WDR55: variants seen among roughly 807,000 people sequenced by gnomAD.
WDR55 encodes the protein WD repeat-containing protein 55.
A neutral mutation model predicts 34.0 loss-of-function variants in WDR55; 31 were observed. That is an observed-to-expected ratio of 0.91 (90% CI 0.69 to 1.23). The LOEUF (loss-of-function observed/expected upper bound fraction) is 1.23, where lower values mean the gene tolerates loss of function less well. Ranked by LOEUF, WDR55 falls within the 50% of genes most tolerant of loss-of-function variation. The probability of loss-of-function intolerance (pLI) is 0.00; values close to 1 mark genes in which losing one functional copy is unlikely to be tolerated. For synonymous variants in WDR55, 164 were observed against 185.9 expected (o/e 0.88, Z 0.96); for missense variants, 440 against 494.6 (o/e 0.89, Z 1.05).
intron 1 of WDR55, among the ~76,000 whole-genome samples, chr5:140,666,259 G>A (rs1223139781): frequency 6.6e-6 from 1 of 152,000 alleles, no homozygotes; most frequent in Non-Finnish European, 1.5e-5. Flanking sequence ...AGCTGGGTGT[G>A]GTGGCGGGCA....
chr5:140,666,705 G>T, intron 1 of WDR55: 34 of 985,092 alleles, frequency 3.5e-5, no homozygotes, highest in Non-Finnish European at 4.1e-5. Context: ...CATTATATAT[G>T]ATGCTCTGTG....
chr5:140,671,861 T>C lies in WDR55; in HGVS notation c.*2207T>C. ...TGTTATTTGTAGCCTTCCCATTTCCTGGTAGTGTGACCATGGGTAAGAAAA... is the reference window on the plus strand; with the variant it reads ...TGTTATTTGTAGCCTTCCCATTTCCCGGTAGTGTGACCATGGGTAAGAAAA... On this transcript the variant is annotated 3_prime_UTR_variant, in exon 7 of 7. Coordinates refer to ENST00000358337, the MANE Select transcript of WDR55 (RefSeq NM_017706.5). 1.6e-6 allele frequency: 2 copies of C among 1,228,476 alleles called. No individual in the cohort carries two copies. The highest frequency in any genetic ancestry group is 2.5e-5 in the East Asian group (1 of 39,292). The allele number at this position is 1,228,476 out of a possible 1,614,324, so 76.1% of individuals were successfully genotyped here. A position where few individuals can be genotyped will look rare whatever the true frequency, so the allele number is the denominator to read the frequency against.
Position 140,669,936 on chromosome 5 carries a change from C to T in WDR55, c.*282C>T. The T allele has an allele frequency of 3.2e-6, 1 of 311,678 alleles. No homozygotes were observed. Among genetic ancestry groups the T allele is most frequent in the East Asian group, 6.9e-5 (1 of 14,556 alleles). The allele number at this position is 311,678 out of a possible 1,614,324, so 19.3% of individuals were successfully genotyped here. ...TTTGGTAGAAACGGGTCTGTTTTGC[C>T]CAGGCTGGTCTTCAACTCCTGGACT... On this transcript the variant is annotated 3_prime_UTR_variant, in exon 7 of 7. Coordinates refer to ENST00000358337, the MANE Select transcript of WDR55 (RefSeq NM_017706.5).
At position 140,664,991 on chromosome 5, in the gene WDR55, C is replaced by G. The variant is rs146185181; in HGVS notation, c.79C>G (p.Arg27Gly). 6.2e-7 allele frequency: 1 copy of G among 1,613,848 alleles called. No homozygotes were observed. The change falls in exon 1 of 7, where the codon CGG becomes GGG. Residue 27 changes from arginine (R) to glycine (G), a missense_variant. Coordinates refer to ENST00000358337, the MANE Select transcript of WDR55 (RefSeq NM_017706.5). ...EDPDSMEAPT[R>G]IRDTPEDIVL... ...CCCAGACTCCATGGAAGCCCCAACC[C>G]GGATCCGGGACACTCCGGAAGACAT...
chr5:140,669,032 G>T, intron 5 of WDR55, 42 bp downstream of exon 5: 4 of 1,614,118 alleles, frequency 2.5e-6, no homozygotes, highest in Non-Finnish European at 3.4e-6. Flanking sequence ...TGTGCTGGGG[G>T]CTTAGTCTGA....
chr5:140,671,820 T>C lies in WDR55; in HGVS notation c.*2166T>C, dbSNP rs1466392354. 2.7e-6 allele frequency: 4 copies of C among 1,491,924 alleles called. No individual in the cohort carries two copies. The highest frequency in any genetic ancestry group is 2.8e-5 in the African/African-American group (2 of 71,804). 92.4% of individuals were successfully genotyped at this position (1,491,924 alleles called of 1,614,324 possible). ...CCAAGCCTCCAGGTGGTGAGCCCTTTGGAGCTACACAGTCCTGTTATTTGT... is the reference window on the plus strand; with the variant it reads ...CCAAGCCTCCAGGTGGTGAGCCCTTCGGAGCTACACAGTCCTGTTATTTGT... On this transcript the variant is annotated 3_prime_UTR_variant, in exon 7 of 7. Transcript: ENST00000358337.
Position 140,669,533 on chromosome 5 carries a change from C to T in WDR55, c.1031C>T (p.Pro344Leu), listed in dbSNP as rs1561989873. The change falls in exon 7 of 7, where the codon CCA becomes CTA. Residue 344 changes from proline to leucine, a missense_variant. Transcript: ENST00000358337. The part of the protein sequence containing the change: ...DYRRRKKKGG[P>L]LRALSSKTWS... ...CGTCGGCGCAAAAAAAAGGGAGGACCACTGCGGGCTCTGAGCAGCAAGACT... is the reference window on the plus strand; with the variant it reads ...CGTCGGCGCAAAAAAAAGGGAGGACTACTGCGGGCTCTGAGCAGCAAGACT... 3.1e-6 allele frequency: 5 copies of T among 1,614,072 alleles called. No homozygotes were observed. Among genetic ancestry groups the T allele is most frequent in the African/African-American group, 1.3e-5 (1 of 75,036 alleles).
At chr5:140,668,156 C>T in intron 1 of WDR55, 78 bp from the exon 2 acceptor site, 6 of 1,466,728 alleles carry the variant, frequency 4.1e-6, no homozygotes, top group Non-Finnish European at 5.4e-6. Context: ...GGGAAGGCTG[C>T]TCTGTCTAGT....
intron 1 of WDR55, among the ~76,000 whole-genome samples, chr5:140,665,858 C>T (rs1052629230): frequency 1.5e-4 from 22 of 147,526 alleles, no homozygotes; most frequent in Admixed American, 3.4e-4. Flanking sequence ...AAAATTAGCC[C>T]GGTGTGGTGG....
chr5:140,665,735 C>A (rs1358897600), intron 1 of WDR55, among the ~76,000 whole-genome samples: 1 of 152,222 alleles, frequency 6.6e-6, no homozygotes, highest in Non-Finnish European at 1.5e-5. Context: ...CAAATCTTGG[C>A]TCACGCCTGT....
Position 140,669,455 on chromosome 5 carries a change from G to C in WDR55, c.953G>C (p.Arg318Pro). 2 of 1,614,106 alleles carry C rather than the reference G, an allele frequency of 1.2e-6. No homozygotes were observed. Among genetic ancestry groups the C allele is most frequent in the Non-Finnish European group, 1.7e-6 (2 of 1,180,002 alleles). ...RFLASSGHDQ[R>P]LKFWDMAQLR... The stretch of plus-strand genomic sequence containing the variant: ...CTGGCCAGTAGTGGCCATGACCAGC[G>C]CCTCAAGTTTTGGGACATGGCCCAG... The change falls in exon 7 of 7, where the codon CGC (arginine) becomes CCC (proline). Residue 318 changes from arginine to proline, a missense_variant. Physicochemically the swap from Arg to Pro is moderately radical, Grantham distance 103. Transcript: ENST00000358337.
rs199956837 is a variant in WDR55 at position 140,666,890 on chromosome 5, CAT to C, written c.192-1343_192-1342del. 1.8e-3 allele frequency: 1,802 copies of C among 985,360 alleles called. 8 individuals are homozygous for C. The highest frequency in any genetic ancestry group is 0.015 in the African/African-American group (879 of 57,316). 61.0% of individuals were successfully genotyped at this position (985,360 alleles called of 1,614,324 possible). On this transcript the variant is annotated intron_variant, in intron 1 of 6. Coordinates refer to ENST00000358337, the MANE Select transcript of WDR55 (RefSeq NM_017706.5). ...TCTAGTCTAGGGTAGATGCTCAACA[CAT>C]GTTTGATTTTGAACAAAAGATACAG...
Position 140,664,987 on chromosome 5 carries a change from A to C in WDR55, c.75A>C (p.Pro25=). 6.2e-7 allele frequency: 1 copy of C among 1,613,844 alleles called. No individual in the cohort carries two copies. Among genetic ancestry groups the C allele is most frequent in the Non-Finnish European group, 8.5e-7 (1 of 1,179,898 alleles). Residue 25 remains proline (P), a synonymous_variant, in exon 1 of 7, where the codon CCA becomes CCC. Transcript: ENST00000358337. ...AGGACCCAGACTCCATGGAAGCCCC[A>C]ACCCGGATCCGGGACACTCCGGAAG... The part of the protein sequence containing the change: ...DEEDPDSMEA[P]TRIRDTPEDI...
rs529109440 is a variant in WDR55 at position 140,669,617 on chromosome 5, A to C, written c.1115A>C (p.Gln372Pro). The C allele has an allele frequency of 6.8e-6, 11 of 1,613,994 alleles. No individual in the cohort carries two copies. The South Asian group carries it at 1.2e-4, about 18-fold the overall frequency. The change falls in exon 7 of 7, where the codon CAG becomes CCG. Residue 372 changes from glutamine (Q) to proline (P), a missense_variant. Gln to Pro is a moderately conservative substitution (Grantham distance 76). Coordinates refer to ENST00000358337, the MANE Select transcript of WDR55 (RefSeq NM_017706.5). Reference protein sequence around the residue: ...LREEGEDSMAQEEKEETGDDS... With the variant: ...LREEGEDSMAPEEKEETGDDS... ...GAAGAGGGAGAAGACTCCATGGCTC[A>C]GGAAGAAAAGGAGGAGACTGGGGAT...
At position 140,665,075 on chromosome 5, in the gene WDR55, G is replaced by C. The variant is rs1468456918; in HGVS notation, c.163G>C (p.Ala55Pro). ...AFHPARDLLA[A>P]GDVDGDVFVF... The stretch of plus-strand genomic sequence containing the variant: ...CCATCCGGCCCGTGACCTACTGGCT[G>C]CAGGGGACGTGGACGGGGACGTGTT... The change falls in exon 1 of 7, where the codon GCA becomes CCA. Residue 55 changes from alanine (A) to proline (P), a missense_variant. Coordinates refer to ENST00000358337, the MANE Select transcript of WDR55 (RefSeq NM_017706.5). The C allele has an allele frequency of 6.2e-7, 1 of 1,608,140 alleles. No individual in the cohort carries two copies.
chr5:140,672,208 G>T lies in WDR55; in HGVS notation c.*2554G>T. 1.7e-6 allele frequency: 1 copy of T among 590,304 alleles called. No individual in the cohort carries two copies. Among genetic ancestry groups the T allele is most frequent in the Non-Finnish European group, 3.0e-6 (1 of 333,094 alleles). The allele number at this position is 590,304 out of a possible 1,614,324, so 36.6% of individuals were successfully genotyped here. ...GGGTCCTGTGCCTATTTTGCGGTGTGGGGGTGGGGGAAGGTTGAGAATTAA... is the reference window on the plus strand; with the variant it reads ...GGGTCCTGTGCCTATTTTGCGGTGTTGGGGTGGGGGAAGGTTGAGAATTAA... On this transcript the variant is annotated 3_prime_UTR_variant, in exon 7 of 7. Coordinates refer to ENST00000358337, the MANE Select transcript of WDR55 (RefSeq NM_017706.5).
At position 140,669,621 on chromosome 5, in the gene WDR55, A is replaced by AG. The variant is rs745894162; in HGVS notation, c.1120dup (p.Glu374GlyfsTer8). The AG allele has an allele frequency of 1.8e-5, 29 of 1,613,920 alleles. No individual in the cohort carries two copies. The highest frequency in any genetic ancestry group is 2.5e-5 in the Non-Finnish European group (29 of 1,179,960). On this transcript the variant is annotated frameshift_variant, in exon 7 of 7. Coordinates refer to ENST00000358337, the MANE Select transcript of WDR55 (RefSeq NM_017706.5). LOFTEE classifies it high-confidence loss of function. ...AGGGAGAAGACTCCATGGCTCAGGA[A>AG]GAAAAGGAGGAGACTGGGGATGACA... is the stretch of plus-strand genomic sequence containing the variant.
rs760336966 is a variant in WDR55 at position 140,668,477 on chromosome 5, G to T, written c.355G>T (p.Glu119Ter). Residue 119 changes from glutamate (E) to a stop codon, truncating the protein, a stop_gained, in exon 3 of 7, where the codon GAA becomes TAA. Coordinates refer to ENST00000358337, the MANE Select transcript of WDR55 (RefSeq NM_017706.5). LOFTEE classifies it high-confidence loss of function. Reference sequence around the variant, plus strand: ...TCTAGATGTGGAGCAGGGCCAACTGGAAAGACGTGTTTCCAAGGCTCATGG... The same window carrying T: ...TCTAGATGTGGAGCAGGGCCAACTGTAAAGACGTGTTTCCAAGGCTCATGG... ...HVLDVEQGQL[E>*]RRVSKAHGAP... 3.1e-6 allele frequency: 5 copies of T among 1,614,206 alleles called. No individual in the cohort carries two copies. Among genetic ancestry groups the T allele is most frequent in the Admixed American group, 1.7e-5 (1 of 60,030 alleles).
At chr5:140,666,825 TA>T (rs903446675) in intron 1 of WDR55, 1 of 985,308 alleles carries the variant, frequency 1.0e-6, no homozygotes, top group African/African-American at 1.7e-5. Flanking sequence ...TTCTGGAGTG[TA>T]ATCTGTCATC....
Sources: allele counts gnomAD v4.1 joint callset (sites outside exome capture counted in the v4.1 genomes callset), GRCh38; gene constraint gnomAD v4.1.1; transcripts MANE v1.5; gene names NCBI Gene and HGNC (gene_info 2026-07-23, HGNC 2026-07-21).